The following SMG6 variants were observed in gnomAD, a reference collection of about 807,000 sequenced individuals.
SMG6 encodes the protein SMG6 nonsense mediated mRNA decay factor.
Under a neutral mutation model 142.2 loss-of-function variants are expected in SMG6, and 66 were observed. The observed-to-expected ratio is 0.46, with a 90% confidence interval of 0.38 to 0.57. The LOEUF is 0.57. Among genes scored for constraint, SMG6 ranks in the 20% least tolerant of loss-of-function variants. SMG6 has a pLI of 0.00. For synonymous variants in SMG6, 779 were observed against 702.4 expected (o/e 1.11, Z -1.72); for missense variants, 1,793 against 1,832.0 (o/e 0.98, Z 0.39).
chr17:2,282,698 A>G lies in SMG6; in HGVS notation c.2610T>C (p.Ser870=). 3.1e-6 allele frequency: 5 copies of G among 1,614,130 alleles called. No homozygotes were observed. The highest frequency in any genetic ancestry group is 3.4e-6 in the Non-Finnish European group (4 of 1,179,990). ...CATTCTCTTGCTCAGAATCCTTCCC[A>G]GACTCAGTGCCCTGGGAAGACCGTG... ...SHPRSSQGTE[S]GKDSEQENGL... The change falls in exon 8 of 19, where the codon TCT becomes TCC. Residue 870 remains serine, a synonymous_variant. Coordinates refer to ENST00000263073, the MANE Select transcript of SMG6 (RefSeq NM_017575.5).
chr17:2,189,220 C>G (rs1212317576), intron 10 of SMG6, among the ~76,000 whole-genome samples: 1 of 152,188 alleles, frequency 6.6e-6, no homozygotes, highest in African/African-American at 2.4e-5. Flanking sequence ...ACCCTCTTCC[C>G]GTCACTTTTT....
At chr17:2,160,271 G>A (rs2071134915) in intron 13 of SMG6, among the ~76,000 whole-genome samples, 1 of 152,044 alleles carries the variant, frequency 6.6e-6, no homozygotes, top group African/African-American at 2.4e-5. Flanking sequence ...CCAGGCTGGA[G>A]TGCAGTGGTG....
chr17:2,063,811 G>A (rs1356171147), intron 18 of SMG6, among the ~76,000 whole-genome samples: 1 of 152,202 alleles, frequency 6.6e-6, no homozygotes, highest in East Asian at 1.9e-4. Flanking sequence ...GAGGCAAGGG[G>A]CTGTGGTGGG....
chr17:2,065,223 T>A, intron 17 of SMG6, 69 bp from the exon 18 acceptor site: 51 of 1,006,288 alleles, frequency 5.1e-5, no homozygotes, highest in Non-Finnish European at 7.3e-5. Context: ...GGAGGAGGGA[T>A]CCTCTGCCTC....
intron 10 of SMG6, among the ~76,000 whole-genome samples, chr17:2,226,023 G>A (rs2073305586): frequency 6.6e-6 from 1 of 152,128 alleles, no homozygotes; most frequent in Admixed American, 6.5e-5. Context: ...AAAAAAACAA[G>A]TGGGCACTTT....
intron 18 of SMG6, among the ~76,000 whole-genome samples, chr17:2,063,591 G>GGA (rs1226228983): frequency 6.6e-6 from 1 of 152,212 alleles, no homozygotes; most frequent in Non-Finnish European, 1.5e-5. Flanking sequence ...CAGCAGTCCT[G>GGA]GAACCACACT....
chr17:2,168,834 T>C (rs2071418613), intron 13 of SMG6, among the ~76,000 whole-genome samples: 1 of 151,808 alleles, frequency 6.6e-6, no homozygotes, highest in Admixed American at 6.6e-5. Flanking sequence ...CTGCAACCTC[T>C]ACCTTCTGGG....
At chr17:2,236,207 G>A (rs2073646333) in intron 10 of SMG6, 1 of 241,726 alleles carries the variant, frequency 4.1e-6, no homozygotes, top group Non-Finnish European at 8.1e-6. Context: ...AAGAGGCCTT[G>A]CTGCTGCCTT....
chr17:2,231,851 C>T (rs952746155), intron 10 of SMG6, among the ~76,000 whole-genome samples: 3 of 152,086 alleles, frequency 2.0e-5, no homozygotes, highest in African/African-American at 7.2e-5. Flanking sequence ...TTGCTGCCAC[C>T]GGGGCTTCTC....
chr17:2,285,886 C>T (rs888886262), intron 6 of SMG6, among the ~76,000 whole-genome samples: 1 of 151,992 alleles, frequency 6.6e-6, no homozygotes, highest in Non-Finnish European at 1.5e-5. Context: ...GTTAGCCAGG[C>T]TGGTCTGGAA....
At chr17:2,098,726 G>A (rs2068925296) in intron 13 of SMG6, among the ~76,000 whole-genome samples, 1 of 152,072 alleles carries the variant, frequency 6.6e-6, no homozygotes, top group African/African-American at 2.4e-5. Flanking sequence ...TGCCTCCTGT[G>A]TTCAAGTGAT....
intron 15 of SMG6, among the ~76,000 whole-genome samples, chr17:2,080,191 G>A (rs2068377086): frequency 6.6e-6 from 1 of 151,986 alleles, no homozygotes; most frequent in South Asian, 2.1e-4. Context: ...GGCAGAGGCG[G>A]GCAGATCACC....
rs1483265714 is a variant in SMG6 at position 2,300,039 on chromosome 17, C to G, written c.714G>C (p.Pro238=). Residue 238 remains proline, a synonymous_variant, in exon 2 of 19, where the codon CCG becomes CCC. Transcript: ENST00000263073. Reference sequence around the variant, plus strand: ...AGCGGGAGTAGCGCTTTGCGGAGCCCGGCCTCCCGCGGGCTGGGTCGTCGT... The same window carrying G: ...AGCGGGAGTAGCGCTTTGCGGAGCCGGGCCTCCCGCGGGCTGGGTCGTCGT... ...ETHDDPARGR[P]GSAKRYSRSD... 3.1e-6 allele frequency: 5 copies of G among 1,614,052 alleles called. No homozygotes were observed. Among genetic ancestry groups the G allele is most frequent in the African/African-American group, 1.3e-5 (1 of 74,936 alleles).
intron 10 of SMG6, 119 bp downstream of exon 10, chr17:2,236,373 G>C (rs985807446): frequency 4.5e-6 from 4 of 893,994 alleles, no homozygotes; most frequent in Non-Finnish European, 6.9e-6. Context: ...AGGGTAGGGT[G>C]TGTGTGTTCG....
intron 18 of SMG6, among the ~76,000 whole-genome samples, chr17:2,064,464 G>A (rs555670662): frequency 1.3e-5 from 2 of 152,314 alleles, no homozygotes; most frequent in African/African-American, 2.4e-5. Context: ...AAACCGGGCT[G>A]AGGGCTCAGT....
chr17:2,274,288 C>T (rs2074601657), intron 8 of SMG6, among the ~76,000 whole-genome samples: 1 of 152,190 alleles, frequency 6.6e-6, no homozygotes, highest in Admixed American at 6.5e-5. Flanking sequence ...GTGTATTCAT[C>T]TTTACAATCC....
chr17:2,093,825 T>C (rs2068788656), intron 13 of SMG6, among the ~76,000 whole-genome samples: 1 of 152,172 alleles, frequency 6.6e-6, no homozygotes, highest in African/African-American at 2.4e-5. Context: ...CTTGCTATAT[T>C]GTTGGTCTCA....
Position 2,104,667 on chromosome 17 carries a change from G to A in SMG6, c.3358-18766C>T, listed in dbSNP as rs536067387. Reference sequence around the variant, plus strand: ...AATATCCCATTTTACTGGGAAAGCTGTGGTGTAGATGAAGTGGTGACAGAT... The same window carrying A: ...AATATCCCATTTTACTGGGAAAGCTATGGTGTAGATGAAGTGGTGACAGAT... On this transcript the variant is annotated intron_variant, in intron 13 of 18. Coordinates refer to ENST00000263073, the MANE Select transcript of SMG6 (RefSeq NM_017575.5). 3.3e-5 allele frequency among the ~76,000 whole-genome samples: 5 copies of A among 152,198 alleles called. No individual in the cohort carries two copies. In the East Asian group the frequency reaches 9.7e-4, roughly 29 times the overall value.
At position 2,299,723 on chromosome 17, in the gene SMG6, T is replaced by C. The variant is rs780977516; in HGVS notation, c.1030A>G (p.Lys344Glu). Residue 344 changes from lysine to glutamate, a missense_variant, in exon 2 of 19, where the codon AAA (lysine) becomes GAA (glutamate). Lys to Glu is a moderately conservative substitution (Grantham distance 56). Coordinates refer to ENST00000263073, the MANE Select transcript of SMG6 (RefSeq NM_017575.5). This position sits in a 1 kb window ranked among gnomAD's most constrained non-coding sequence, Gnocchi z 4.3. ...ACACGAAGAGTGCCTCGATATTCTT[T>C]AGCACTGTTTTTCTGCTCACCCTCC... Reference protein sequence around the residue: ...RGEGEQKNSAKEYRGTLRVTF... With the variant: ...RGEGEQKNSAEEYRGTLRVTF... The C allele has an allele frequency of 6.2e-6, 10 of 1,614,198 alleles. No homozygotes were observed. In the South Asian group the frequency reaches 1.1e-4, roughly 18 times the overall value.
Sources: gnomAD v4.1 joint callset for allele counts (sites outside exome capture counted in the v4.1 genomes callset) on GRCh38, gnomAD v4.1.1 for gene constraint, Gnocchi (gnomAD v3.1) non-coding constraint, MANE v1.5 for transcripts, NCBI Gene and HGNC (gene_info 2026-07-23, HGNC 2026-07-21) for gene names.